Variants in RBFOX1 observed in about 807,000 individuals in gnomAD.
RBFOX1 encodes the protein RNA binding fox-1 homolog 1.
Under a neutral mutation model 57.7 loss-of-function variants are expected in RBFOX1, and 8 were observed. The ratio of observed to expected loss-of-function variants is 0.14; its 90% CI spans 0.08 to 0.25. The LOEUF is 0.25. Ranked by LOEUF, RBFOX1 falls within the 10% of genes least tolerant of loss-of-function variation. The probability of loss-of-function intolerance (pLI) is 1.00; values close to 1 mark genes in which losing one functional copy is unlikely to be tolerated. For synonymous variants in RBFOX1, 326 were observed against 222.4 expected (o/e 1.47, Z -4.15); for missense variants, 611 against 548.5 (o/e 1.11, Z -1.14).
intron 4 of RBFOX1, among the ~76,000 whole-genome samples, chr16:7,091,160 C>T (rs756421293): frequency 3.3e-5 from 5 of 152,104 alleles, no homozygotes; most frequent in African/African-American, 9.7e-5. Context: ...AAACAAATAA[C>T]TCTTTCCATT....
intron 4 of RBFOX1, among the ~76,000 whole-genome samples, chr16:7,068,322 G>T (rs1198763395): frequency 2.0e-5 from 3 of 152,100 alleles, no homozygotes; most frequent in African/African-American, 7.2e-5. Flanking sequence ...AAACACTGCA[G>T]ACATTTGATT....
At chr16:5,822,488 TCTCA>T (rs1412861894) in intron 3 of RBFOX1, among the ~76,000 whole-genome samples, 1 of 152,188 alleles carries the variant, frequency 6.6e-6, no homozygotes, top group Non-Finnish European at 1.5e-5. Flanking sequence ...TTGAGTGGGT[TCTCA>T]CTAATAATAG....
In RBFOX1 at chr16:7,458,486, G is replaced by GT. The variant is rs527989444; in HGVS notation, c.28-59655dup. On this transcript the variant is annotated intron_variant, in intron 4 of 15. Transcript: ENST00000550418. ...AATGAGCCATGCCTCTCTAGCTGCT[G>GT]TTTTTTAAAATTTTATTTTACTGTT... Among the ~76,000 whole-genome samples, 44 of 152,160 alleles carry GT rather than the reference G, an allele frequency of 2.9e-4. No homozygotes were observed. In the South Asian group the frequency reaches 8.9e-3, roughly 31 times the overall value.
intron 2 of RBFOX1, among the ~76,000 whole-genome samples, chr16:6,604,422 C>A (rs959392285): frequency 6.6e-6 from 1 of 151,940 alleles, no homozygotes; most frequent in African/African-American, 2.4e-5. Flanking sequence ...AGTGATCTTC[C>A]CATCTCAGCC....
chr16:7,342,594 A>C (rs572689684), intron 4 of RBFOX1, among the ~76,000 whole-genome samples: 1 of 151,788 alleles, frequency 6.6e-6, no homozygotes, highest in Non-Finnish European at 1.5e-5. Context: ...GAATGTTTAC[A>C]CTTCTCTGCT....
chr16:5,665,046 A>C (rs1028667105), intron 3 of RBFOX1, among the ~76,000 whole-genome samples: 3 of 148,788 alleles, frequency 2.0e-5, no homozygotes, highest in Admixed American at 6.9e-5. Context: ...CCCATGCTCA[A>C]ATGATTTTCT....
rs560711483 is a variant in RBFOX1, at chr16:6,001,823, A to G, written c.351+134488A>G. On this transcript the variant is annotated intron_variant, in intron 4 of 19. Transcript: ENST00000641259. The stretch of plus-strand genomic sequence containing the variant: ...ATGACTAAAGCCTGGGAAACACTGC[A>G]ATAAGCCAAACTGGAATATCCAATG... 2.0e-5 allele frequency among the ~76,000 whole-genome samples: 3 copies of G among 152,264 alleles called. No homozygotes were observed. The East Asian group carries it at 5.8e-4, about 29-fold the overall frequency.
At chr16:7,434,130 A>C (rs2098703679) in intron 4 of RBFOX1, among the ~76,000 whole-genome samples, 1 of 152,158 alleles carries the variant, frequency 6.6e-6, no homozygotes, top group Non-Finnish European at 1.5e-5. Flanking sequence ...GTAAAGTTTC[A>C]TAAACCAGGT....
intron 12 of RBFOX1, among the ~76,000 whole-genome samples, chr16:7,664,349 C>T (rs1348921797): frequency 6.6e-6 from 1 of 152,116 alleles, no homozygotes; most frequent in Non-Finnish European, 1.5e-5. Context: ...AGATATTCTC[C>T]ATTAACCATA....
At chr16:5,446,896 G>A (rs1446559063) in intron 1 of RBFOX1, among the ~76,000 whole-genome samples, 1 of 152,058 alleles carries the variant, frequency 6.6e-6, no homozygotes, top group Non-Finnish European at 1.5e-5. Context: ...CCTAGGAAGT[G>A]GTCTTTTCTC....
chr16:7,385,827 C>T (rs1352652258), intron 4 of RBFOX1, among the ~76,000 whole-genome samples: 4 of 152,112 alleles, frequency 2.6e-5, no homozygotes, highest in South Asian at 2.1e-4. Context: ...GACCTCGGCT[C>T]ACTGCAACCT....
chr16:7,193,954 CT>C (rs34745623), intron 4 of RBFOX1, among the ~76,000 whole-genome samples: 17,976 of 145,992 alleles, frequency 0.12, 1,266 homozygotes, highest in African/African-American at 0.18. Context: ...CTCTAGCTAT[CT>C]TTTTTTTTTT....
intron 4 of RBFOX1, among the ~76,000 whole-genome samples, chr16:7,515,486 C>G (rs1042137939): frequency 1.1e-4 from 16 of 152,018 alleles, no homozygotes; most frequent in Non-Finnish European, 5.9e-5. Flanking sequence ...CATACACACA[C>G]ACACACACAC....
At chr16:6,749,780 T>A (rs575836772) in intron 3 of RBFOX1, among the ~76,000 whole-genome samples, 71 of 152,328 alleles carry the variant, frequency 4.7e-4, no homozygotes, top group Non-Finnish European at 7.8e-4. Context: ...AGAGCAGCCT[T>A]ATGATTAAAA....
chr16:6,843,325 G>C (rs1484242380), intron 3 of RBFOX1, among the ~76,000 whole-genome samples: 1 of 151,598 alleles, frequency 6.6e-6, no homozygotes, highest in Admixed American at 6.6e-5. Flanking sequence ...AGCAAATAGA[G>C]AAAACACATA....
chr16:6,611,576 G>A (rs1306779443), intron 2 of RBFOX1, among the ~76,000 whole-genome samples: 1 of 152,190 alleles, frequency 6.6e-6, no homozygotes, highest in Admixed American at 6.5e-5. Flanking sequence ...ACTCCACAGT[G>A]AGCATGGTTT....
intron 4 of RBFOX1, among the ~76,000 whole-genome samples, chr16:5,949,303 G>C (rs78788633): frequency 1.3e-5 from 2 of 151,734 alleles, no homozygotes; most frequent in East Asian, 1.9e-4. Flanking sequence ...GAGGCAGGCC[G>C]ATCACGAGGT....
intron 3 of RBFOX1, among the ~76,000 whole-genome samples, chr16:6,929,249 G>T (rs2076125738): frequency 6.6e-6 from 1 of 152,160 alleles, no homozygotes; most frequent in Non-Finnish European, 1.5e-5. Context: ...CAGAGAAGAA[G>T]AAGATATTGC....
chr16:5,522,843 C>G (rs925958699), intron 2 of RBFOX1, among the ~76,000 whole-genome samples: 2 of 152,326 alleles, frequency 1.3e-5, no homozygotes, highest in African/African-American at 2.4e-5. Context: ...ATGTCCAGTT[C>G]TATCCCAACT....
Sources: allele counts gnomAD v4.1 joint callset (sites outside exome capture counted in the v4.1 genomes callset), GRCh38; gene constraint gnomAD v4.1.1; transcripts MANE v1.5; gene names NCBI Gene and HGNC (gene_info 2026-07-23, HGNC 2026-07-21).